Variants in PLA2G4E observed in about 807,000 individuals in gnomAD.
PLA2G4E encodes cytosolic phospholipase A2 epsilon.
PLA2G4E carries 84 observed loss-of-function variants against 109.1 expected under a neutral mutation model. The observed-to-expected ratio is 0.77, with a 90% CI of 0.65 to 0.92. The LOEUF is 0.92. Among genes scored for constraint, PLA2G4E ranks in the 40% least tolerant of loss-of-function variants. The probability of loss-of-function intolerance (pLI) is 0.00; values close to 1 mark genes in which losing one functional copy is unlikely to be tolerated. For synonymous variants in PLA2G4E, 469 were observed against 436.1 expected (o/e 1.08, Z -0.94); for missense variants, 1,057 against 1,076.6 (o/e 0.98, Z 0.25).
chr15:42,041,438 CTTACGAATCCAG>C (rs1889315265), intron 1 of PLA2G4E, among the ~76,000 whole-genome samples: 1 of 152,162 alleles, frequency 6.6e-6, no homozygotes, highest in Non-Finnish European at 1.5e-5. Context: ...AGCATCCTCC[CTTACGAATCCAG>C]TTGCATCCAT....
intron 1 of PLA2G4E, among the ~76,000 whole-genome samples, chr15:42,024,675 C>T (rs2068677944): frequency 6.6e-6 from 1 of 152,170 alleles, no homozygotes; most frequent in Non-Finnish European, 1.5e-5. Context: ...CTGCCAGCAG[C>T]ACCTGTCTCC....
exon 8 of PLA2G4E, chr15:42,000,137 G>A (rs770488336): frequency 2.4e-5 from 39 of 1,593,834 alleles, no homozygotes; most frequent in Non-Finnish European, 2.8e-5. Context: ...GCACTTCCAC[G>A]TGCACCTGGG....
At chr15:42,001,548 G>A (rs777267965) in intron 6 of PLA2G4E, among the ~76,000 whole-genome samples, 2 of 152,162 alleles carry the variant, frequency 1.3e-5, no homozygotes, top group South Asian at 2.1e-4. Context: ...GAGGGCTTCC[G>A]ACAAAATAGC....
intron 1 of PLA2G4E, among the ~76,000 whole-genome samples, chr15:42,020,651 G>C (rs2068639520): frequency 6.6e-6 from 1 of 152,210 alleles, no homozygotes; most frequent in Non-Finnish European, 1.5e-5. Flanking sequence ...GTGCTAGCCT[G>C]GCCCCAGGAT....
chr15:42,016,204 A>G (rs1407382242), intron 1 of PLA2G4E, among the ~76,000 whole-genome samples: 1 of 150,368 alleles, frequency 6.7e-6, no homozygotes, highest in Non-Finnish European at 1.5e-5. Context: ...AAAAGTTTCT[A>G]TAATCCCACC....
intron 13 of PLA2G4E, among the ~76,000 whole-genome samples, chr15:41,992,402 G>A (rs972520853): frequency 1.3e-5 from 2 of 152,238 alleles, no homozygotes; most frequent in Non-Finnish European, 2.9e-5. Flanking sequence ...GGTCAGACTC[G>A]CTTCATGGCG....
chr15:41,995,561 G>A (rs1298013577), intron 11 of PLA2G4E, 65 bp from the exon 12 acceptor site: 3 of 1,588,116 alleles, frequency 1.9e-6, no homozygotes, highest in Non-Finnish European at 1.7e-6. Context: ...AGAAGACTTA[G>A]AATGACGGCA....
chr15:42,049,734 A>C (rs1006326712), intron 1 of PLA2G4E, among the ~76,000 whole-genome samples: 19 of 152,094 alleles, frequency 1.2e-4, no homozygotes, highest in African/African-American at 4.3e-4. Flanking sequence ...TGGCAGGAGG[A>C]AGCGAGGCTC....
intron 1 of PLA2G4E, among the ~76,000 whole-genome samples, chr15:42,034,585 C>T (rs1358018756): frequency 2.0e-5 from 3 of 152,224 alleles, no homozygotes; most frequent in Admixed American, 6.5e-5. Context: ...GTCTCATTCT[C>T]ATCCTCTTAG....
intron 1 of PLA2G4E, among the ~76,000 whole-genome samples, chr15:42,020,056 C>A (rs1157777851): frequency 2.0e-5 from 3 of 152,248 alleles, no homozygotes. Flanking sequence ...AACCAGGGCA[C>A]ACCCCAGGAG....
intron 13 of PLA2G4E, among the ~76,000 whole-genome samples, chr15:41,992,250 G>C (rs2068261237): frequency 6.6e-6 from 1 of 152,154 alleles, no homozygotes; most frequent in Non-Finnish European, 1.5e-5. Flanking sequence ...AGTGGGGCAG[G>C]GATACTGAGG....
chr15:42,020,507 A>G (rs1462060676), intron 1 of PLA2G4E, among the ~76,000 whole-genome samples: 1 of 152,230 alleles, frequency 6.6e-6, no homozygotes, highest in Non-Finnish European at 1.5e-5. Context: ...CAGATTGACA[A>G]TGCCACCAAT....
intron 1 of PLA2G4E, among the ~76,000 whole-genome samples, chr15:42,021,019 C>T (rs1283860532): frequency 1.3e-5 from 2 of 151,856 alleles, no homozygotes; most frequent in African/African-American, 2.4e-5. Flanking sequence ...CGTGCATCTG[C>T]CTCAGGAGCA....
rs1290764569 is a variant in PLA2G4E, at chr15:42,006,189, C to T, written c.394-68G>A. 8 of 1,588,126 alleles carry T rather than the reference C, an allele frequency of 5.0e-6. No homozygotes were observed. In the East Asian group the frequency reaches 9.1e-5, roughly 18 times the overall value. ...ATTGACCCCTTCCCAGAACAAGGGG[C>T]TTGACCTCTGTCCTAGCAAGGAGGT... On this transcript the variant is annotated intron_variant, in intron 3 of 19. Coordinates refer to ENST00000399518, the Ensembl canonical transcript of PLA2G4E.
At chr15:41,988,104 T>G in exon 16 of PLA2G4E, 1 of 1,608,218 alleles carries the variant, frequency 6.2e-7, no homozygotes, top group South Asian at 1.1e-5. Flanking sequence ...CCGAGGTGTG[T>G]GACAGGTTCC....
At chr15:41,985,431 T>G (rs2068124945) in intron 18 of PLA2G4E, among the ~76,000 whole-genome samples, 1 of 152,210 alleles carries the variant, frequency 6.6e-6, no homozygotes, top group Non-Finnish European at 1.5e-5. Context: ...CTGAGAGCAC[T>G]TGAGTGTAAT....
At chr15:42,025,035 C>T (rs75695865) in intron 1 of PLA2G4E, among the ~76,000 whole-genome samples, 4,313 of 151,888 alleles carry the variant, frequency 0.028, 167 homozygotes, top group South Asian at 0.15. Context: ...CCCATCTCCA[C>T]TACACAAAAA....
intron 14 of PLA2G4E, 67 bp from the exon 15 acceptor site, chr15:41,989,619 C>A (rs375447928): frequency 6.5e-6 from 10 of 1,542,334 alleles, no homozygotes; most frequent in African/African-American, 5.5e-5. Context: ...GCCGGGCCCC[C>A]CTCCTGCCTG....
At chr15:41,992,836 G>T in exon 13 of PLA2G4E, 1 of 1,614,010 alleles carries the variant, frequency 6.2e-7, no homozygotes, top group Non-Finnish European at 8.5e-7. Flanking sequence ...CCTGGAATTT[G>T]CGGAGCTGGT....
Sources: gnomAD v4.1 joint callset for allele counts (sites outside exome capture counted in the v4.1 genomes callset) on GRCh38, gnomAD v4.1.1 for gene constraint, MANE v1.5 for transcripts, NCBI Gene and HGNC (gene_info 2026-07-23, HGNC 2026-07-21) for gene names.